Variants in THRB observed in about 807,000 individuals in gnomAD.
THRB encodes thyroid hormone receptor beta, also known as nuclear receptor subfamily 1 group A member 2.
A neutral mutation model predicts 47.8 loss-of-function variants in THRB; 12 were observed. The observed-to-expected ratio is 0.25, with a 90% CI of 0.16 to 0.41. THRB has a LOEUF of 0.41. Ranked by LOEUF, THRB falls within the 10% of genes least tolerant of loss-of-function variation. THRB has a pLI of 1.00. For missense variants in THRB, 348 were observed against 589.2 expected (o/e 0.59, Z 4.24); for synonymous variants, 218 against 212.2 (o/e 1.03, Z -0.24).
intron 10 of THRB, among the ~76,000 whole-genome samples, chr3:24,124,724 T>G (rs757393837): frequency 6.6e-6 from 1 of 152,186 alleles, no homozygotes; most frequent in African/African-American, 2.4e-5. Flanking sequence ...TAGTGGCTCT[T>G]GGAAAAGTCT....
intron 3 of THRB, among the ~76,000 whole-genome samples, chr3:24,236,150 G>C (rs190929441): frequency 6.6e-6 from 1 of 152,328 alleles, no homozygotes; most frequent in East Asian, 1.9e-4. Context: ...CCTCATAGGA[G>C]GAGAGGGAGA....
intron 1 of THRB, among the ~76,000 whole-genome samples, chr3:24,482,410 A>T (rs1333546126): frequency 1.3e-5 from 2 of 152,232 alleles, no homozygotes; most frequent in Non-Finnish European, 2.9e-5. Flanking sequence ...AAGGTGGCAA[A>T]GCCAGGCATC....
chr3:24,478,997 T>C lies in THRB; in HGVS notation c.-261+15655A>G, dbSNP rs969447364. 3.3e-5 allele frequency among the ~76,000 whole-genome samples: 5 copies of C among 152,300 alleles called. No homozygotes were observed. The South Asian group carries it at 1.0e-3, about 32-fold the overall frequency. ...TCCAGTAACTAGAAGCCAGAGATGC[T>C]GCTAAATATCCTATAATGCGGCCGG... On this transcript the variant is annotated intron_variant, in intron 1 of 10. Transcript: ENST00000646209.
At chr3:24,444,935 T>C (rs1477023867) in intron 1 of THRB, among the ~76,000 whole-genome samples, 1 of 152,130 alleles carries the variant, frequency 6.6e-6, no homozygotes, top group African/African-American at 2.4e-5. Flanking sequence ...TAAAGAATGC[T>C]GAGACAATAA....
intron 1 of THRB, among the ~76,000 whole-genome samples, chr3:24,342,377 T>C (rs998859589): frequency 6.6e-5 from 10 of 152,094 alleles, no homozygotes; most frequent in African/African-American, 2.2e-4. Context: ...AGGAAACCCC[T>C]AAGCTATCGA....
chr3:24,291,224 C>T lies in THRB; in HGVS notation c.-43+6002G>A, dbSNP rs192336233. Among the ~76,000 whole-genome samples, 550 of 152,290 alleles carry T rather than the reference C, an allele frequency of 3.6e-3. 1 individual carries two copies. Among genetic ancestry groups the T allele is most frequent in the Non-Finnish European group, 6.0e-3 (410 of 68,018 alleles). On this transcript the variant is annotated intron_variant, in intron 3 of 10. Coordinates refer to ENST00000646209, the MANE Select transcript of THRB (RefSeq NM_001354712.2). ...TTTAGTAAACTAAATTCCTATGATG[C>T]AGCAGTTTAAAGACTTTAGAAGAAA...
chr3:24,272,919 G>A (rs921844234), intron 3 of THRB, among the ~76,000 whole-genome samples: 6 of 152,026 alleles, frequency 3.9e-5, no homozygotes, highest in African/African-American at 1.4e-4. Context: ...AAATAGCAAA[G>A]AAAATTAAAT....
intron 2 of THRB, among the ~76,000 whole-genome samples, chr3:24,320,479 T>C (rs530744883): frequency 3.9e-5 from 6 of 152,268 alleles, no homozygotes; most frequent in African/African-American, 1.4e-4. Context: ...TAAAGGCCAG[T>C]AGCATCCCAG....
At chr3:24,298,259 T>C (rs2056613556) in intron 2 of THRB, among the ~76,000 whole-genome samples, 1 of 152,188 alleles carries the variant, frequency 6.6e-6, no homozygotes, top group Non-Finnish European at 1.5e-5. Context: ...TCACAAATTG[T>C]GTCACTGGCA....
intron 1 of THRB, among the ~76,000 whole-genome samples, chr3:24,412,508 A>T (rs1402899312): frequency 6.6e-6 from 1 of 151,812 alleles, no homozygotes; most frequent in Non-Finnish European, 1.5e-5. Context: ...TCATGTATCA[A>T]AATAAAAGTA....
chr3:24,299,801 T>TTTTTTTC (rs2056800333), intron 2 of THRB, among the ~76,000 whole-genome samples: 2 of 133,926 alleles, frequency 1.5e-5, no homozygotes, highest in African/African-American at 2.8e-5. Context: ...TTTTTTTTTT[T>TTTTTTTC]TAGCAAACAT....
rs907856806 is a variant in THRB at position 24,266,558 on chromosome 3, T to C, written c.-43+30668A>G. The stretch of plus-strand genomic sequence containing the variant: ...GCAGAGGCAGGGCTCTGACCCAAAT[T>C]AGTGAAAGAGCTGAAGCCCACAGCC... On this transcript the variant is annotated intron_variant, in intron 3 of 10. Coordinates refer to ENST00000646209, the MANE Select transcript of THRB (RefSeq NM_001354712.2). 4.6e-5 allele frequency among the ~76,000 whole-genome samples: 7 copies of C among 152,066 alleles called. 1 individual carries two copies. Among genetic ancestry groups the C allele is most frequent in the African/African-American group, 1.4e-4 (6 of 41,482 alleles).
chr3:24,271,458 A>T (rs938265688), intron 3 of THRB, among the ~76,000 whole-genome samples: 2 of 152,208 alleles, frequency 1.3e-5, no homozygotes, highest in Non-Finnish European at 2.9e-5. Context: ...TGAGGTTACT[A>T]CAGGGCTTTT....
At chr3:24,227,359 T>C (rs2047763601) in intron 4 of THRB, among the ~76,000 whole-genome samples, 1 of 152,200 alleles carries the variant, frequency 6.6e-6, no homozygotes, top group Non-Finnish European at 1.5e-5. Flanking sequence ...ATTGAGGCTG[T>C]AGCTAAGGTT....
intron 1 of THRB, among the ~76,000 whole-genome samples, chr3:24,385,368 A>G (rs1053095605): frequency 2.6e-5 from 4 of 152,022 alleles, no homozygotes; most frequent in African/African-American, 9.7e-5. Context: ...AAATTATTAA[A>G]GCATTGCCAG....
intron 5 of THRB, among the ~76,000 whole-genome samples, chr3:24,188,447 T>G (rs1214137283): frequency 2.6e-5 from 4 of 152,222 alleles, no homozygotes; most frequent in African/African-American, 7.2e-5. Flanking sequence ...CTAAGCATCT[T>G]GTATTCAAAC....
intron 1 of THRB, among the ~76,000 whole-genome samples, chr3:24,371,164 T>A (rs983225984): frequency 6.6e-6 from 1 of 152,076 alleles, no homozygotes; most frequent in South Asian, 2.1e-4. Flanking sequence ...AGAACACCTA[T>A]CTACATTAGG....
At chr3:24,133,644 A>G (rs1271637687) in intron 8 of THRB, among the ~76,000 whole-genome samples, 182 bp from the exon 9 acceptor site, 1 of 152,026 alleles carries the variant, frequency 6.6e-6, no homozygotes, top group African/African-American at 2.4e-5. Flanking sequence ...TGTTTTGGCC[A>G]TTGCTTTAAT....
At chr3:24,275,181 C>T (rs1249154031) in intron 3 of THRB, among the ~76,000 whole-genome samples, 1 of 151,926 alleles carries the variant, frequency 6.6e-6, no homozygotes, top group Non-Finnish European at 1.5e-5. Flanking sequence ...TAAATTCACA[C>T]AAGGATAAAT....
Sources: allele counts gnomAD v4.1 joint callset (sites outside exome capture counted in the v4.1 genomes callset), GRCh38; gene constraint gnomAD v4.1.1; transcripts MANE v1.5; gene names NCBI Gene and HGNC (gene_info 2026-07-23, HGNC 2026-07-21).